The following SLC25A21 variants were observed in gnomAD, a reference collection of about 807,000 sequenced individuals.
SLC25A21 encodes mitochondrial 2-oxodicarboxylate carrier.
In SLC25A21, 47 loss-of-function variants were observed where a neutral mutation model predicts 43.8. The ratio of observed to expected loss-of-function variants is 1.07; its 90% CI spans 0.85 to 1.37. The LOEUF is 1.37. Ranked by LOEUF, SLC25A21 falls within the 40% of genes most tolerant of loss-of-function variation. The pLI, the probability that SLC25A21 is intolerant of heterozygous loss-of-function variation, is 0.00. For synonymous variants in SLC25A21, 131 were observed against 121.3 expected, an observed-to-expected ratio of 1.08 and a Z score of -0.52; for missense variants, 352 against 350.2, an observed-to-expected ratio of 1.00 and a Z score of -0.04.
intron 3 of SLC25A21, among the ~76,000 whole-genome samples, chr14:36,753,418 A>T (rs1885790005): frequency 6.6e-6 from 1 of 152,144 alleles, no homozygotes; most frequent in South Asian, 2.1e-4. Flanking sequence ...ATAATCTATC[A>T]AAAGGAGAGA....
rs541745858 is a variant in SLC25A21 at position 37,127,121 on chromosome 14, C to T, written c.70+45160G>A. Among the ~76,000 whole-genome samples the T allele has an allele frequency of 3.3e-5, 5 of 152,218 alleles. No individual in the cohort carries two copies. In the South Asian group the frequency reaches 1.0e-3, roughly 32 times the overall value. ...AGTGATAGAGATAGAATTTGTTATA[C>T]GTAAACAGCGCTAGGTTAGACTGGA... On this transcript the variant is annotated intron_variant, in intron 1 of 9. Coordinates refer to ENST00000331299, the MANE Select transcript of SLC25A21 (RefSeq NM_030631.4).
chr14:36,771,503 G>A (rs555994397), intron 3 of SLC25A21, among the ~76,000 whole-genome samples: 1 of 152,152 alleles, frequency 6.6e-6, no homozygotes, highest in Non-Finnish European at 1.5e-5. Context: ...ACAGTGCCAC[G>A]GAAGAGATGG....
intron 1 of SLC25A21, among the ~76,000 whole-genome samples, chr14:36,961,658 A>G (rs1157108735): frequency 6.6e-6 from 1 of 152,058 alleles, no homozygotes; most frequent in African/African-American, 2.4e-5. Context: ...GTAGATGGCA[A>G]CTGGGCTCTC....
At chr14:36,960,236 CT>C (rs1429229779) in intron 1 of SLC25A21, among the ~76,000 whole-genome samples, 2 of 152,124 alleles carry the variant, frequency 1.3e-5, no homozygotes, top group Non-Finnish European at 2.9e-5. Context: ...TCCAATTATA[CT>C]TTTTTTCATT....
At chr14:36,687,396 G>C (rs571756567) in intron 7 of SLC25A21, among the ~76,000 whole-genome samples, 1 of 152,210 alleles carries the variant, frequency 6.6e-6, no homozygotes, top group East Asian at 1.9e-4. Context: ...GGGGTGAGAA[G>C]AAGGTGCCTG....
rs551399287 is a variant in SLC25A21, at chr14:36,844,616, G to T, written c.119+30340C>A. Among the ~76,000 whole-genome samples the T allele has an allele frequency of 2.6e-5, 4 of 152,312 alleles. No individual in the cohort carries two copies. In the South Asian group the frequency reaches 8.3e-4, roughly 32 times the overall value. ...AGACTCAGATGGAAGCCTTAGAGGA[G>T]TGGGACCCCCCACTGCCCTCCTGTC... is the stretch of plus-strand genomic sequence containing the variant. On this transcript the variant is annotated intron_variant, in intron 2 of 9. Coordinates refer to ENST00000331299, the MANE Select transcript of SLC25A21 (RefSeq NM_030631.4).
intron 3 of SLC25A21, among the ~76,000 whole-genome samples, chr14:36,794,767 TAA>T (rs564868791): frequency 7.8e-5 from 11 of 141,484 alleles, no homozygotes; most frequent in African/African-American, 1.3e-4. Context: ...AGACTCCATT[TAA>T]AAAAAAAAAA....
In SLC25A21 at chr14:36,756,675, G is replaced by A. The variant is rs1885943079; in HGVS notation, c.204-22102C>T. Among the ~76,000 whole-genome samples, 4 of 152,220 alleles carry A rather than the reference G, an allele frequency of 2.6e-5. No individual in the cohort carries two copies. The South Asian group carries it at 8.3e-4, about 32-fold the overall frequency. On this transcript the variant is annotated intron_variant, in intron 3 of 9. Coordinates refer to ENST00000331299, the MANE Select transcript of SLC25A21 (RefSeq NM_030631.4). Reference sequence around the variant, plus strand: ...ATTTCTGAGCATGAGGAAGGCTCAAGAGATGCTATGATTGAGGTGTTAGGA... The same window carrying A: ...ATTTCTGAGCATGAGGAAGGCTCAAAAGATGCTATGATTGAGGTGTTAGGA...
intron 1 of SLC25A21, among the ~76,000 whole-genome samples, chr14:36,953,371 AATTT>A (rs1959239148): frequency 6.6e-6 from 1 of 152,194 alleles, no homozygotes; most frequent in Non-Finnish European, 1.5e-5. Context: ...ATATTAATAA[AATTT>A]AGTCATACAT....
At chr14:36,860,794 T>C (rs995590881) in intron 2 of SLC25A21, among the ~76,000 whole-genome samples, 2 of 152,216 alleles carry the variant, frequency 1.3e-5, no homozygotes, top group African/African-American at 4.8e-5. Flanking sequence ...AGTTGGATCA[T>C]ATAATGAGAA....
At chr14:37,034,925 A>G (rs191702306) in intron 1 of SLC25A21, among the ~76,000 whole-genome samples, 1 of 152,220 alleles carries the variant, frequency 6.6e-6, no homozygotes, top group African/African-American at 2.4e-5. Flanking sequence ...TAATAGGAGC[A>G]TTTGGGCCAG....
intron 1 of SLC25A21, among the ~76,000 whole-genome samples, chr14:36,886,992 G>T (rs897259038): frequency 7.2e-5 from 11 of 152,072 alleles, no homozygotes; most frequent in Admixed American, 5.2e-4. Flanking sequence ...ACACCAGGGG[G>T]AAAATAAGGT....
chr14:36,728,762 G>A (rs966091495), intron 5 of SLC25A21, among the ~76,000 whole-genome samples: 3 of 152,196 alleles, frequency 2.0e-5, no homozygotes, highest in African/African-American at 7.2e-5. Context: ...CTAGAGGCTG[G>A]AGTACATTGC....
intron 3 of SLC25A21, among the ~76,000 whole-genome samples, chr14:36,762,328 A>G (rs943428133): frequency 6.6e-6 from 1 of 152,158 alleles, no homozygotes; most frequent in Non-Finnish European, 1.5e-5. Flanking sequence ...ATTTTTTTGC[A>G]TGAGGAGACT....
At chr14:36,712,871 C>T (rs1380334667) in intron 6 of SLC25A21, among the ~76,000 whole-genome samples, 1 of 152,100 alleles carries the variant, frequency 6.6e-6, no homozygotes, top group Non-Finnish European at 1.5e-5. Flanking sequence ...TGACTTTCAC[C>T]CCCAAATCAT....
At chr14:36,831,845 C>T (rs1395476638) in intron 2 of SLC25A21, among the ~76,000 whole-genome samples, 1 of 152,158 alleles carries the variant, frequency 6.6e-6, no homozygotes, top group East Asian at 1.9e-4. Flanking sequence ...ATGGAGTCTA[C>T]TGAATTAAAT....
intron 1 of SLC25A21, among the ~76,000 whole-genome samples, chr14:36,896,553 A>G (rs1594676372): frequency 6.6e-6 from 1 of 151,584 alleles, no homozygotes; most frequent in African/African-American, 2.4e-5. Flanking sequence ...TAAGGTTAAT[A>G]TTATGTGTGA....
intron 1 of SLC25A21, among the ~76,000 whole-genome samples, chr14:36,989,516 G>A (rs1378601438): frequency 7.1e-6 from 1 of 140,916 alleles, no homozygotes; most frequent in Non-Finnish European, 1.5e-5. Flanking sequence ...TTTTTTTTTT[G>A]CTGTTTAATT....
chr14:36,694,596 T>C lies in SLC25A21; in HGVS notation c.604-9671A>G, dbSNP rs193043816. The stretch of plus-strand genomic sequence containing the variant: ...TCTTGTTTCCTGACTTTTTAATGAT[T>C]GCCATTCTAACTGGTGTGAGATGGT... On this transcript the variant is annotated intron_variant, in intron 7 of 9. Transcript: ENST00000331299. Among the ~76,000 whole-genome samples, 790 of 152,316 alleles carry C rather than the reference T, an allele frequency of 5.2e-3. 9 individuals carry two copies. Among genetic ancestry groups the C allele is most frequent in the Non-Finnish European group, 5.7e-3 (387 of 68,030 alleles).
Sources: gnomAD v4.1 joint callset for allele counts (sites outside exome capture counted in the v4.1 genomes callset) on GRCh38, gnomAD v4.1.1 for gene constraint, MANE v1.5 for transcripts, NCBI Gene and HGNC (gene_info 2026-07-23, HGNC 2026-07-21) for gene names.